The following LUM variants were observed in gnomAD, a reference collection of about 807,000 sequenced individuals.
LUM encodes the protein lumican.
In LUM, 13 loss-of-function variants were observed where a neutral mutation model predicts 20.5. The observed-to-expected ratio is 0.63, with a 90% CI of 0.41 to 1.01. The LOEUF (loss-of-function observed/expected upper bound fraction) is 1.01, where lower values mean the gene tolerates loss of function less well. LUM is among the 50% of genes least tolerant of loss of function. The pLI is 0.00. For missense variants in LUM, 321 were observed against 391.1 expected (o/e 0.82, Z 1.51); for synonymous variants, 173 against 151.5 (o/e 1.14, Z -1.04).
At chr12:91,107,796 AC>A (rs1313566555) in intron 2 of LUM, among the ~76,000 whole-genome samples, 8 of 151,532 alleles carry the variant, frequency 5.3e-5, no homozygotes, top group Non-Finnish European at 1.2e-4. Flanking sequence ...GCTCACTGCA[AC>A]CTCTATCTCC....
intron 2 of LUM, among the ~76,000 whole-genome samples, chr12:91,107,277 A>AAG (rs1372701056): frequency 2.7e-3 from 279 of 104,586 alleles, no homozygotes; most frequent in African/African-American, 5.2e-3. Flanking sequence ...GAAAGAAAGA[A>AAG]AGAAAGAAAG....
At chr12:91,106,641 G>T (rs1727096755) in intron 2 of LUM, among the ~76,000 whole-genome samples, 1 of 140,882 alleles carries the variant, frequency 7.1e-6, no homozygotes, top group Non-Finnish European at 1.5e-5. Context: ...CAAATGAGGG[G>T]CAGGATTGTA....
intron 2 of LUM, among the ~76,000 whole-genome samples, chr12:91,104,678 G>A (rs940154712): frequency 6.6e-6 from 1 of 152,068 alleles, no homozygotes; most frequent in Non-Finnish European, 1.5e-5. Context: ...GGATCCCATT[G>A]TTGTATGAAC....
Position 91,103,740 on chromosome 12 carries a change from A to C in LUM, c.*425T>G, listed in dbSNP as rs1242664573. On this transcript the variant is annotated 3_prime_UTR_variant, in exon 3 of 3. Coordinates refer to ENST00000266718, the MANE Select transcript of LUM (RefSeq NM_002345.4). ...TGTATTTTGCAATATTCTTGGCCTCAATATCTACCACCTATTTTTTAACCA... is the reference window on the plus strand; with the variant it reads ...TGTATTTTGCAATATTCTTGGCCTCCATATCTACCACCTATTTTTTAACCA... 2 of 155,050 alleles carry C rather than the reference A, an allele frequency of 1.3e-5. No individual in the cohort carries two copies. Among genetic ancestry groups the C allele is most frequent in the Non-Finnish European group, 2.9e-5 (2 of 69,940 alleles). The allele number at this position is 155,050 out of a possible 1,614,324, so 9.6% of individuals were successfully genotyped here. A position where few individuals can be genotyped will look rare whatever the true frequency, so the allele number is the denominator to read the frequency against.
chr12:91,109,561 T>C (rs1258139619), intron 1 of LUM, among the ~76,000 whole-genome samples: 1 of 152,190 alleles, frequency 6.6e-6, no homozygotes, highest in Non-Finnish European at 1.5e-5. Flanking sequence ...AACAGAATTC[T>C]TGGTGCTGGT....
chr12:91,109,421 C>A (rs1244175538), intron 1 of LUM, among the ~76,000 whole-genome samples: 1 of 152,150 alleles, frequency 6.6e-6, no homozygotes, highest in Non-Finnish European at 1.5e-5. Context: ...CATTCGACAT[C>A]ATTAAAATGA....
In LUM at chr12:91,104,337, G is replaced by C; in HGVS notation, c.863-18C>G. The C allele has an allele frequency of 1.3e-6, 2 of 1,588,560 alleles. No individual in the cohort carries two copies. The highest frequency in any genetic ancestry group is 1.1e-5 in the South Asian group (1 of 89,588). ...GTCAAACTCTAAAAATTAAAGAATAGAAAACATTAATCATTTTTCAGTACA... is the reference window on the plus strand; with the variant it reads ...GTCAAACTCTAAAAATTAAAGAATACAAAACATTAATCATTTTTCAGTACA... On this transcript the variant is annotated intron_variant, in intron 2 of 2. Transcript: ENST00000266718.
intron 2 of LUM, among the ~76,000 whole-genome samples, chr12:91,106,191 AG>A (rs1240224122): frequency 3.3e-5 from 5 of 152,186 alleles, no homozygotes; most frequent in Middle Eastern, 3.2e-3. Flanking sequence ...ACCCTACTAG[AG>A]GTTATATGAA....
rs750083412 is a variant in LUM at position 91,108,399 on chromosome 12, T to C, written c.581A>G (p.Asn194Ser). 4.3e-6 allele frequency: 7 copies of C among 1,614,052 alleles called. No individual in the cohort carries two copies. Among genetic ancestry groups the C allele is most frequent in the East Asian group, 2.2e-5 (1 of 44,882 alleles). The change falls in exon 2 of 3, where the codon AAT becomes AGT. Residue 194 changes from asparagine (N) to serine (S), a missense_variant. Transcript: ENST00000266718. This position sits in a 1 kb window ranked among gnomAD's most constrained non-coding sequence, Gnocchi z 4.2. ...KSLEYLDLSF[N>S]QIARLPSGLP... ...ACCAGAAGGCAGTCTGGCTATCTGATTGAAGCTCAAGTCAAGGTATTCGAG... is the reference window on the plus strand; with the variant it reads ...ACCAGAAGGCAGTCTGGCTATCTGACTGAAGCTCAAGTCAAGGTATTCGAG...
At position 91,108,851 on chromosome 12, in the gene LUM, G is replaced by T. The variant is rs1480738567; in HGVS notation, c.129C>A (p.Cys43Ter). ...SSPNCAPECN[C>*]PESYPSAMYC... is the part of the protein sequence containing the mutation. ...ACATGGCACTTGGGTAGCTTTCAGG[G>T]CAGTTACATTCTGGTGCACAGTTTG... Residue 43 changes from cysteine (C) to a stop codon, truncating the protein, a stop_gained, in exon 2 of 3, where the codon TGC (cysteine) becomes TGA (stop). Transcript: ENST00000266718. LOFTEE classifies it high-confidence loss of function. This position sits in a 1 kb window ranked among gnomAD's most constrained non-coding sequence, Gnocchi z 4.2. 6.2e-7 allele frequency: 1 copy of T among 1,613,946 alleles called. No homozygotes were observed. The highest frequency in any genetic ancestry group is 2.2e-5 in the East Asian group (1 of 44,842).
At position 91,109,017 on chromosome 12, in the gene LUM, C is replaced by T. The variant is rs966156042; in HGVS notation, c.-21-17G>A. ...GTTTGAATCCTAAATAAAGATGAAA[C>T]ATTTATTAATTAAAAAAATATATAC... On this transcript the variant is annotated splice_polypyrimidine_tract_variant and intron_variant, in intron 1 of 2. Transcript: ENST00000266718. 30 of 1,509,114 alleles carry T rather than the reference C, an allele frequency of 2.0e-5. No homozygotes were observed. Among genetic ancestry groups the T allele is most frequent in the Non-Finnish European group, 2.5e-5 (28 of 1,100,718 alleles). 93.5% of individuals were successfully genotyped at this position (1,509,114 alleles called of 1,614,324 possible).
rs1489941677 is a variant in LUM, at chr12:91,111,464, T to C, written c.-88A>G. 6.6e-6 allele frequency: 1 copy of C among 151,390 alleles called. No individual in the cohort carries two copies. Among genetic ancestry groups the C allele is most frequent in the Non-Finnish European group, 1.5e-5 (1 of 68,014 alleles). 9.4% of individuals were successfully genotyped at this position (151,390 alleles called of 1,614,324 possible). A position where few individuals can be genotyped will look rare whatever the true frequency, so the allele number is the denominator to read the frequency against. On this transcript the variant is annotated 5_prime_UTR_variant, in exon 1 of 3. The change creates a new upstream start codon in the 5' untranslated region. Coordinates refer to ENST00000266718, the MANE Select transcript of LUM (RefSeq NM_002345.4). ...TGCACTATGGACAAGAATCCACCAA[T>C]ATATGCTGTGAACTCTGTCAGGACG...
At chr12:91,110,391 A>G (rs1014716292) in intron 1 of LUM, among the ~76,000 whole-genome samples, 6 of 152,296 alleles carry the variant, frequency 3.9e-5, no homozygotes, top group Admixed American at 1.3e-4. Flanking sequence ...AACAGCTTTT[A>G]GAAATACTTT....
Position 91,103,100 on chromosome 12 carries a change from C to T in LUM, c.*1065G>A, listed in dbSNP as rs564596115. The T allele has an allele frequency of 6.6e-6, 1 of 152,208 alleles. No homozygotes were observed. Among genetic ancestry groups the T allele is most frequent in the East Asian group, 1.9e-4 (1 of 5,190 alleles). 9.4% of individuals were successfully genotyped at this position (152,208 alleles called of 1,614,324 possible). A position where few individuals can be genotyped will look rare whatever the true frequency, so the allele number is the denominator to read the frequency against. Reference sequence around the variant, plus strand: ...CATAGAAAGCTGAAAGCTGTTATTACTGGATTATGAACTCAAAACCTATGA... The same window carrying T: ...CATAGAAAGCTGAAAGCTGTTATTATTGGATTATGAACTCAAAACCTATGA... On this transcript the variant is annotated 3_prime_UTR_variant, in exon 3 of 3. Coordinates refer to ENST00000266718, the MANE Select transcript of LUM (RefSeq NM_002345.4).
chr12:91,106,545 A>C (rs932707902), intron 2 of LUM, among the ~76,000 whole-genome samples: 1 of 152,070 alleles, frequency 6.6e-6, no homozygotes, highest in Non-Finnish European at 1.5e-5. Flanking sequence ...ACATAAGTGC[A>C]TAAGCAGTCC....
intron 2 of LUM, among the ~76,000 whole-genome samples, chr12:91,107,143 CA>C (rs773547125): frequency 0.013 from 812 of 63,228 alleles, 32 homozygotes; most frequent in Admixed American, 0.12. Flanking sequence ...GAGACCCTGT[CA>C]AAAAAAAAAA....
Position 91,102,651 on chromosome 12 carries a change from C to T in LUM, c.*1514G>A, listed in dbSNP as rs1049032522. Reference sequence around the variant, plus strand: ...CAATTCATCTACATTATAGTTTTATCGAGAAAAAGTAGATTTCAAGTTTAA... The same window carrying T: ...CAATTCATCTACATTATAGTTTTATTGAGAAAAAGTAGATTTCAAGTTTAA... On this transcript the variant is annotated 3_prime_UTR_variant, in exon 3 of 3. Transcript: ENST00000266718. 6 of 151,922 alleles carry T rather than the reference C, an allele frequency of 3.9e-5. No homozygotes were observed. Among genetic ancestry groups the T allele is most frequent in the African/African-American group, 1.4e-4 (6 of 41,388 alleles). 9.4% of individuals were successfully genotyped at this position (151,922 alleles called of 1,614,324 possible).
chr12:91,105,227 T>C (rs1416767205), intron 2 of LUM, among the ~76,000 whole-genome samples: 1 of 152,166 alleles, frequency 6.6e-6, no homozygotes, highest in Non-Finnish European at 1.5e-5. Context: ...CATAGTCCCA[T>C]CTTGGAATTC....
At position 91,108,075 on chromosome 12, in the gene LUM, A is replaced by G; in HGVS notation, c.862+43T>C. The stretch of plus-strand genomic sequence containing the variant: ...TGTGTTGTGCAGCCCAGGTATTTAA[A>G]CACTTGAGCACACATCAAACACAGG... On this transcript the variant is annotated intron_variant, in intron 2 of 2. Coordinates refer to ENST00000266718, the MANE Select transcript of LUM (RefSeq NM_002345.4). This position sits in a 1 kb window ranked among gnomAD's most constrained non-coding sequence, Gnocchi z 4.2. 4.4e-6 allele frequency: 7 copies of G among 1,606,702 alleles called. No homozygotes were observed. The highest frequency in any genetic ancestry group is 6.0e-6 in the Non-Finnish European group (7 of 1,173,802).
Sources: allele counts gnomAD v4.1 joint callset (sites outside exome capture counted in the v4.1 genomes callset), GRCh38; gene constraint gnomAD v4.1.1; non-coding constraint Gnocchi (gnomAD v3.1); transcripts MANE v1.5; gene names NCBI Gene and HGNC (gene_info 2026-07-23, HGNC 2026-07-21).